Variants in PARD3 observed in about 807,000 individuals in gnomAD.
PARD3 encodes par-3 family cell polarity regulator, also known as partitioning defective 3 homolog.
A neutral mutation model predicts 155.4 loss-of-function variants in PARD3; 75 were observed. The observed-to-expected ratio is 0.48, with a 90% CI of 0.40 to 0.58. The LOEUF (loss-of-function observed/expected upper bound fraction) is 0.58, where lower values mean the gene tolerates loss of function less well. Ranked by LOEUF, PARD3 falls within the 20% of genes least tolerant of loss-of-function variation. PARD3 has a pLI of 0.00. For synonymous variants in PARD3, 576 were observed against 610.5 expected, an observed-to-expected ratio of 0.94 and a Z score of 0.83; for missense variants, 1,642 against 1,721.7, an observed-to-expected ratio of 0.95 and a Z score of 0.82.
intron 2 of PARD3, among the ~76,000 whole-genome samples, chr10:34,525,201 T>C (rs2082393578): frequency 6.6e-6 from 1 of 152,238 alleles, no homozygotes; most frequent in African/African-American, 2.4e-5. Flanking sequence ...AACAAGAATC[T>C]TAAGCTTGCC....
In PARD3 at chr10:34,476,137, A is replaced by T. The variant is rs201101552; in HGVS notation, c.404-5874T>A. Among the ~76,000 whole-genome samples, 34 of 152,338 alleles carry T rather than the reference A, an allele frequency of 2.2e-4. No individual in the cohort carries two copies. The East Asian group carries it at 4.6e-3, about 21-fold the overall frequency. On this transcript the variant is annotated intron_variant, in intron 3 of 24. Transcript: ENST00000374788. ...GACCTTACCTCAACAAAAATAAAAT[A>T]AAATTAAAATTTAAAAAGGAACCAC...
intron 5 of PARD3, among the ~76,000 whole-genome samples, chr10:34,440,009 G>A (rs796973524): frequency 3.3e-5 from 5 of 152,204 alleles, no homozygotes; most frequent in African/African-American, 7.2e-5. Flanking sequence ...AGGCCTCAGC[G>A]GTGGGAAGAA....
intron 22 of PARD3, among the ~76,000 whole-genome samples, chr10:34,172,061 T>G (rs1949822681): frequency 6.6e-6 from 1 of 150,470 alleles, no homozygotes. Context: ...TTTCCCAATC[T>G]CTCTACCCTT....
At chr10:34,755,489 C>G (rs904098944) in intron 1 of PARD3, among the ~76,000 whole-genome samples, 14 of 152,140 alleles carry the variant, frequency 9.2e-5, no homozygotes, top group African/African-American at 3.4e-4. Flanking sequence ...CACAGCAAAT[C>G]TTCCTTTCAT....
intron 1 of PARD3, among the ~76,000 whole-genome samples, chr10:34,767,917 G>C (rs946008165): frequency 2.6e-5 from 4 of 151,264 alleles, no homozygotes; most frequent in African/African-American, 9.7e-5. Flanking sequence ...GTGAGACTCT[G>C]TCTCAAAAAA....
chr10:34,367,241 A>G (rs1840049910), intron 12 of PARD3, among the ~76,000 whole-genome samples: 1 of 152,238 alleles, frequency 6.6e-6, no homozygotes, highest in South Asian at 2.1e-4. Flanking sequence ...AAGAGCCATG[A>G]GAACTTACTG....
intron 3 of PARD3, among the ~76,000 whole-genome samples, chr10:34,506,427 T>C (rs566325321): frequency 1.1e-4 from 16 of 152,326 alleles, no homozygotes; most frequent in African/African-American, 3.8e-4. Context: ...AACACATTTA[T>C]GAAAATCTTT....
chr10:34,810,393 T>C (rs1225560134), intron 1 of PARD3, among the ~76,000 whole-genome samples: 1 of 152,156 alleles, frequency 6.6e-6, no homozygotes, highest in Non-Finnish European at 1.5e-5. Context: ...ACTTGTGTGG[T>C]CCCAAGTATT....
intron 5 of PARD3, among the ~76,000 whole-genome samples, chr10:34,419,400 G>A (rs575051831): frequency 3.9e-5 from 6 of 152,050 alleles, no homozygotes; most frequent in South Asian, 2.1e-4. Context: ...GCCTGTAGTC[G>A]CAGCTACTTT....
intron 2 of PARD3, among the ~76,000 whole-genome samples, chr10:34,650,109 T>C (rs1176302564): frequency 6.6e-6 from 1 of 152,166 alleles, no homozygotes; most frequent in East Asian, 1.9e-4. Context: ...GGGCTTTTTT[T>C]TAAAGAAGGA....
chr10:34,423,441 A>G (rs1453399506), intron 5 of PARD3, among the ~76,000 whole-genome samples: 1 of 152,138 alleles, frequency 6.6e-6, no homozygotes, highest in African/African-American at 2.4e-5. Flanking sequence ...ATACTTGAAA[A>G]CTGCTAAGAA....
intron 22 of PARD3, among the ~76,000 whole-genome samples, chr10:34,177,742 C>T (rs1042899015): frequency 6.6e-6 from 1 of 152,210 alleles, no homozygotes; most frequent in African/African-American, 2.4e-5. Flanking sequence ...GTCAGGAGAA[C>T]ATCACAGGCG....
At chr10:34,344,960 T>G in intron 15 of PARD3, 1 of 985,404 alleles carries the variant, frequency 1.0e-6, no homozygotes. Flanking sequence ...AGTATGTGGT[T>G]TGAAGGCTGC....
At chr10:34,755,127 C>A (rs1300338901) in intron 1 of PARD3, among the ~76,000 whole-genome samples, 2 of 150,758 alleles carry the variant, frequency 1.3e-5, no homozygotes, top group Admixed American at 1.3e-4. Context: ...CGAGGCTGGG[C>A]GCGGTGGCTC....
At chr10:34,229,331 A>G (rs1952789897) in intron 22 of PARD3, among the ~76,000 whole-genome samples, 1 of 151,934 alleles carries the variant, frequency 6.6e-6, no homozygotes, top group African/African-American at 2.4e-5. Flanking sequence ...CAATTCTCCC[A>G]CCTTGGCCTC....
chr10:34,607,347 GA>G (rs368710128), intron 2 of PARD3, among the ~76,000 whole-genome samples: 1 of 152,290 alleles, frequency 6.6e-6, no homozygotes, highest in African/African-American at 2.4e-5. Flanking sequence ...TCAGAAATAA[GA>G]AGATGACAAC....
intron 1 of PARD3, among the ~76,000 whole-genome samples, chr10:34,778,229 G>A (rs1354304818): frequency 6.6e-6 from 1 of 152,174 alleles, no homozygotes; most frequent in Non-Finnish European, 1.5e-5. Flanking sequence ...AGACATTTAA[G>A]CTTGTGGTAT....
At chr10:34,202,446 A>G (rs1391641042) in intron 22 of PARD3, among the ~76,000 whole-genome samples, 1 of 152,198 alleles carries the variant, frequency 6.6e-6, no homozygotes, top group African/African-American at 2.4e-5. Context: ...GGTGTGAAAG[A>G]GCCCACTGAG....
intron 9 of PARD3, among the ~76,000 whole-genome samples, chr10:34,378,726 A>C (rs973814273): frequency 6.6e-6 from 1 of 152,048 alleles, no homozygotes; most frequent in Non-Finnish European, 1.5e-5. Flanking sequence ...ACCACCCCCC[A>C]CTCCCAAACA....
Sources: allele counts gnomAD v4.1 joint callset (sites outside exome capture counted in the v4.1 genomes callset), GRCh38; gene constraint gnomAD v4.1.1; transcripts MANE v1.5; gene names NCBI Gene and HGNC (gene_info 2026-07-23, HGNC 2026-07-21).